Variants in ST18 observed in about 807,000 individuals in gnomAD.
The protein encoded by ST18 is ST18 C2H2C-type zinc finger transcription factor, also known as suppression of tumorigenicity 18 protein.
ST18 carries 50 observed loss-of-function variants against 110.0 expected under a neutral mutation model. The observed-to-expected ratio is 0.45, with a 90% CI of 0.36 to 0.58. The LOEUF (loss-of-function observed/expected upper bound fraction) is 0.58, where lower values mean the gene tolerates loss of function less well. Ranked by LOEUF, ST18 falls within the 20% of genes least tolerant of loss-of-function variation. The pLI is 0.00. For missense variants in ST18, 1,306 were observed against 1,280.1 expected (o/e 1.02, Z -0.31); for synonymous variants, 461 against 452.4 (o/e 1.02, Z -0.24).
intron 9 of ST18, among the ~76,000 whole-genome samples, chr8:52,177,866 C>T (rs772816587): frequency 3.0e-4 from 45 of 152,108 alleles, no homozygotes; most frequent in Admixed American, 1.2e-3. Context: ...CACACACACT[C>T]GTGGCATTAT....
chr8:52,115,741 T>A (rs575383624), intron 25 of ST18, among the ~76,000 whole-genome samples: 2 of 152,238 alleles, frequency 1.3e-5, no homozygotes, highest in African/African-American at 4.8e-5. Flanking sequence ...TATAGTTGCA[T>A]ACCTAAAATA....
intron 2 of ST18, among the ~76,000 whole-genome samples, chr8:52,330,909 C>T (rs1275069177): frequency 6.6e-6 from 1 of 152,016 alleles, no homozygotes; most frequent in Non-Finnish European, 1.5e-5. Context: ...CTAAGAGGCA[C>T]AGAAAAAGAG....
At chr8:52,246,368 A>G (rs910570336) in intron 2 of ST18, among the ~76,000 whole-genome samples, 6 of 152,154 alleles carry the variant, frequency 3.9e-5, no homozygotes, top group African/African-American at 7.2e-5. Flanking sequence ...AGAAAACTGC[A>G]TAATCTTAAG....
chr8:52,193,859 T>C (rs753244828), intron 8 of ST18, among the ~76,000 whole-genome samples: 8 of 152,212 alleles, frequency 5.3e-5, no homozygotes, highest in Non-Finnish European at 7.3e-5. Context: ...ACCACACTCA[T>C]GTTTACCGAG....
At chr8:52,210,026 C>T in intron 8 of ST18, 1 of 455,230 alleles carries the variant, frequency 2.2e-6, no homozygotes, top group Non-Finnish European at 4.4e-6. Context: ...AGAAACGTCA[C>T]TACCTTTTTT....
In ST18 at chr8:52,172,306, G is replaced by A. The variant is rs768240065; in HGVS notation, c.555C>T (p.Pro185=). The A allele has an allele frequency of 1.2e-6, 2 of 1,614,038 alleles. No homozygotes were observed. Among genetic ancestry groups the A allele is most frequent in the Non-Finnish European group, 1.7e-6 (2 of 1,180,046 alleles). ...GRDKIDDSQP[P]FCSSDDNESN... ...TTTCATTGTCATCAGAGGAGCAGAA[G>A]GGTGGCTGAGAATCATCAATCTTGT... The change falls in exon 10 of 26, where the codon CCC becomes CCT. Residue 185 remains proline, a synonymous_variant. Transcript: ENST00000689386.
intron 10 of ST18, among the ~76,000 whole-genome samples, chr8:52,169,991 A>G (rs2064262605): frequency 6.6e-6 from 1 of 152,234 alleles, no homozygotes; most frequent in Non-Finnish European, 1.5e-5. Flanking sequence ...GCTCTATAAA[A>G]TTATTCTAAG....
chr8:52,137,638 A>G (rs535947540), intron 17 of ST18, 155 bp from the exon 18 acceptor site: 3 of 636,050 alleles, frequency 4.7e-6, no homozygotes, highest in African/African-American at 1.8e-5. Context: ...TTTATATTAT[A>G]TAAGAACCAG....
chr8:52,189,682 A>T (rs1417279884), intron 8 of ST18, among the ~76,000 whole-genome samples: 3 of 152,182 alleles, frequency 2.0e-5, no homozygotes, highest in African/African-American at 7.2e-5. Flanking sequence ...GGGAAAAAAG[A>T]CTGCACAAGC....
chr8:52,183,008 A>C (rs1350393530), intron 8 of ST18, among the ~76,000 whole-genome samples: 1 of 152,160 alleles, frequency 6.6e-6, no homozygotes, highest in Non-Finnish European at 1.5e-5. Flanking sequence ...TCATCATCCA[A>C]ATTTACTTAT....
At position 52,111,213 on chromosome 8, in the gene ST18, A is replaced by G; in HGVS notation, c.*1985T>C. On this transcript the variant is annotated 3_prime_UTR_variant, in exon 26 of 26. Transcript: ENST00000689386. ...GTTGGTAAGAGATTTCTTTTAAATT[A>G]AATAAAATATATAACAAACTTGTTA... The G allele has an allele frequency of 2.7e-6, 1 of 369,608 alleles. No homozygotes were observed. The highest frequency in any genetic ancestry group is 4.8e-6 in the Non-Finnish European group (1 of 207,898). 22.9% of individuals were successfully genotyped at this position (369,608 alleles called of 1,614,324 possible).
At chr8:52,230,801 C>G (rs1309087636) in intron 2 of ST18, among the ~76,000 whole-genome samples, 1 of 116,108 alleles carries the variant, frequency 8.6e-6, no homozygotes, top group Non-Finnish European at 1.7e-5. Context: ...TACTGCCGAA[C>G]CCTTGGAAAG....
In ST18 at chr8:52,166,999, T is replaced by A; in HGVS notation, c.1070-13A>T. ...GGCCTTGGTGAATCTATGGAGAAAT[T>A]CAATTGAGAAATGCATTTGGTTATT... On this transcript the variant is annotated splice_polypyrimidine_tract_variant and intron_variant, in intron 10 of 25. Coordinates refer to ENST00000689386, the MANE Select transcript of ST18 (RefSeq NM_001352837.2). 1 of 1,596,674 alleles carries A rather than the reference T, an allele frequency of 6.3e-7. No homozygotes were observed. Among genetic ancestry groups the A allele is most frequent in the Non-Finnish European group, 8.6e-7 (1 of 1,167,976 alleles).
At chr8:52,123,790 C>T (rs1189192749) in intron 23 of ST18, among the ~76,000 whole-genome samples, 1 of 152,212 alleles carries the variant, frequency 6.6e-6, no homozygotes, top group African/African-American at 2.4e-5. Flanking sequence ...TTCAGACAGA[C>T]CACCTGCTGC....
rs959914635 is a variant in ST18 at position 52,322,647 on chromosome 8, A to T, written c.-465+86681T>A. ...GTCCAGAGAGACAGAGCTCAGTGTGATCATGAAGCTGTGTCTTGCTCCTTC... is the reference window on the plus strand; with the variant it reads ...GTCCAGAGAGACAGAGCTCAGTGTGTTCATGAAGCTGTGTCTTGCTCCTTC... On this transcript the variant is annotated intron_variant, in intron 2 of 25. Transcript: ENST00000689386. Among the ~76,000 whole-genome samples the T allele has an allele frequency of 7.2e-5, 11 of 152,300 alleles. 1 individual carries two copies. The highest frequency in any genetic ancestry group is 5.8e-4 in the East Asian group (3 of 5,186).
rs1014981693 is a variant in ST18, at chr8:52,206,106, T to C, written c.86+5973A>G. 2.8e-4 allele frequency among the ~76,000 whole-genome samples: 43 copies of C among 152,296 alleles called. 1 individual carries two copies. The highest frequency in any genetic ancestry group is 9.4e-4 in the African/African-American group (39 of 41,556). ...GACGGGACCTGAGTCCTGTCTCTGATTCAGTCGCTTCCCTGTCACAGGCCA... is the reference window on the plus strand; with the variant it reads ...GACGGGACCTGAGTCCTGTCTCTGACTCAGTCGCTTCCCTGTCACAGGCCA... On this transcript the variant is annotated intron_variant, in intron 8 of 25. Transcript: ENST00000689386.
At chr8:52,402,606 G>T (rs1416818240) in intron 2 of ST18, among the ~76,000 whole-genome samples, 1 of 152,150 alleles carries the variant, frequency 6.6e-6, no homozygotes, top group Non-Finnish European at 1.5e-5. Flanking sequence ...GGCAACTCAG[G>T]CATCAGAAGT....
At chr8:52,217,015 T>C (rs2084544567) in intron 6 of ST18, among the ~76,000 whole-genome samples, 2 of 152,212 alleles carry the variant, frequency 1.3e-5, no homozygotes, top group Admixed American at 1.3e-4. Flanking sequence ...TTCTGAAGTC[T>C]TGAAAATTAC....
rs1186975238 is a variant in ST18, at chr8:52,209,785, AAAAATAT to A, written c.86+2287_86+2293del. Among the ~76,000 whole-genome samples the A allele has an allele frequency of 6.8e-4, 95 of 138,710 alleles. 1 individual carries two copies. The highest frequency in any genetic ancestry group is 2.5e-3 in the African/African-American group (91 of 36,644). 91.0% of individuals were successfully genotyped at this position (138,710 alleles called of 152,430 possible). A position where few individuals can be genotyped will look rare whatever the true frequency, so the allele number is the denominator to read the frequency against. ...AACTCCATCTCAAAAAAAAAAAAAA[AAAAATAT>A]ATATATATATATATATATACATGCT... is the stretch of plus-strand genomic sequence containing the variant. On this transcript the variant is annotated intron_variant, in intron 8 of 25. Transcript: ENST00000689386.
Sources: gnomAD v4.1 joint callset for allele counts (sites outside exome capture counted in the v4.1 genomes callset) on GRCh38, gnomAD v4.1.1 for gene constraint, MANE v1.5 for transcripts, NCBI Gene and HGNC (gene_info 2026-07-23, HGNC 2026-07-21) for gene names.